The following RPA1 variants were observed in gnomAD, a reference collection of about 807,000 sequenced individuals.
The protein encoded by RPA1 is replication protein A1.
Under a neutral mutation model 83.0 loss-of-function variants are expected in RPA1, and 49 were observed. That is an observed-to-expected ratio of 0.59 (90% CI 0.47 to 0.75). The LOEUF (loss-of-function observed/expected upper bound fraction) is 0.75. Ranked by LOEUF, RPA1 falls within the 30% of genes least tolerant of loss-of-function variation. The pLI is 0.00. For synonymous variants in RPA1, 279 were observed against 281.8 expected (o/e 0.99, Z 0.10); for missense variants, 693 against 776.1 (o/e 0.89, Z 1.27).
At chr17:1,886,152 GCT>G (rs1491486548) in intron 13 of RPA1, among the ~76,000 whole-genome samples, 1 of 151,822 alleles carries the variant, frequency 6.6e-6, no homozygotes, top group Non-Finnish European at 1.5e-5. Context: ...TCTCCATTGA[GCT>G]CTCGGGTGAA....
intron 5 of RPA1, among the ~76,000 whole-genome samples, chr17:1,863,415 G>A (rs1388415326): frequency 2.6e-5 from 4 of 151,988 alleles, no homozygotes; most frequent in Admixed American, 6.6e-5. Flanking sequence ...GTTTCACCAC[G>A]TTGGCCAGGC....
chr17:1,874,707 A>G (rs1003363717), intron 6 of RPA1, among the ~76,000 whole-genome samples: 1 of 152,234 alleles, frequency 6.6e-6, no homozygotes, highest in Non-Finnish European at 1.5e-5. Flanking sequence ...ATCTTGAGGT[A>G]ATTACTATTG....
chr17:1,862,127 C>T (rs1461358839), intron 5 of RPA1, among the ~76,000 whole-genome samples: 2 of 149,814 alleles, frequency 1.3e-5, no homozygotes, highest in Non-Finnish European at 3.0e-5. Flanking sequence ...CTCCTGACCT[C>T]GTGATCTGCC....
intron 1 of RPA1, among the ~76,000 whole-genome samples, chr17:1,839,994 T>C (rs2151269036): frequency 6.6e-6 from 1 of 151,966 alleles, no homozygotes; most frequent in Middle Eastern, 3.4e-3. Flanking sequence ...GGTTTCACCA[T>C]GTTGGCCAGG....
intron 5 of RPA1, among the ~76,000 whole-genome samples, chr17:1,865,359 G>C (rs1913138104): frequency 6.6e-6 from 1 of 152,160 alleles, no homozygotes; most frequent in Admixed American, 6.5e-5. Context: ...GATCGTGTGA[G>C]TGAGTCTACT....
chr17:1,843,987 A>C lies in RPA1; in HGVS notation c.152A>C (p.Asn51Thr). The C allele has an allele frequency of 6.2e-7, 1 of 1,612,466 alleles. No individual in the cohort carries two copies. Among genetic ancestry groups the C allele is most frequent in the South Asian group, 1.1e-5 (1 of 90,998 alleles). Residue 51 changes from asparagine to threonine, a missense_variant, in exon 3 of 17, where the codon AAC becomes ACC. Asn to Thr is a moderately conservative substitution (Grantham distance 65). Coordinates refer to ENST00000254719, the MANE Select transcript of RPA1 (RefSeq NM_002945.5). ...CGACTGCTCATGAGTGATGGATTGA[A>C]CACTCTATCCTGTGAGTATGGTGTA... ...RYRLLMSDGL[N>T]TLSSFMLATQ...
In RPA1 at chr17:1,843,919, G is replaced by C; in HGVS notation, c.85-1G>C. ...CTAATGAATCAAGTTTTCTGTCCTA[G>C]AACATCCGTCCCATTACTACGGGGA... On this transcript the variant is annotated splice_acceptor_variant, in intron 2 of 16. Coordinates refer to ENST00000254719, the MANE Select transcript of RPA1 (RefSeq NM_002945.5). LOFTEE classifies it high-confidence loss of function. The C allele has an allele frequency of 6.2e-7, 1 of 1,613,594 alleles. No homozygotes were observed. Among genetic ancestry groups the C allele is most frequent in the Non-Finnish European group, 8.5e-7 (1 of 1,179,756 alleles).
In RPA1 at chr17:1,895,073, G is replaced by C; in HGVS notation, c.1724G>C (p.Arg575Thr). ...ANFRSFIFRV[R>T]VKVETYNDES... ...TTCCGATCTTTCATATTCAGAGTCAGGGTCAAAGTGGAGACCTACAACGTA... is the reference window on the plus strand; with the variant it reads ...TTCCGATCTTTCATATTCAGAGTCACGGTCAAAGTGGAGACCTACAACGTA... Residue 575 changes from arginine (R) to threonine (T), a missense_variant, in exon 16 of 17, where the codon AGG becomes ACG. By Grantham distance (71) the Arg-to-Thr change is moderately conservative. Transcript: ENST00000254719. 6.2e-7 allele frequency: 1 copy of C among 1,613,580 alleles called. No individual in the cohort carries two copies. Among genetic ancestry groups the C allele is most frequent in the Non-Finnish European group, 8.5e-7 (1 of 1,179,706 alleles).
At chr17:1,890,883 G>A (rs1186625022) in intron 14 of RPA1, among the ~76,000 whole-genome samples, 2 of 152,106 alleles carry the variant, frequency 1.3e-5, no homozygotes, top group Non-Finnish European at 1.5e-5. Context: ...ACACGTGTGC[G>A]TCATTGTAGT....
intron 5 of RPA1, among the ~76,000 whole-genome samples, chr17:1,867,954 C>T (rs62067473): frequency 0.15 from 22,639 of 151,664 alleles, 2,340 homozygotes; most frequent in East Asian, 0.41. Context: ...GGCGTGATCT[C>T]GTGTAACTAG....
rs954043570 is a variant in RPA1 at position 1,884,049 on chromosome 17, C to A, written c.1374+105C>A. ...CCAGCTGTCAGAGCCGTAATTCTTACCCGGGGCTGTGACCTGAGCGTGGCA... is the reference window on the plus strand; with the variant it reads ...CCAGCTGTCAGAGCCGTAATTCTTAACCGGGGCTGTGACCTGAGCGTGGCA... On this transcript the variant is annotated intron_variant, in intron 13 of 16. Coordinates refer to ENST00000254719, the MANE Select transcript of RPA1 (RefSeq NM_002945.5). This position sits in a 1 kb window ranked among gnomAD's most constrained non-coding sequence, Gnocchi z 4.1. 2.0e-6 allele frequency: 3 copies of A among 1,501,130 alleles called. No individual in the cohort carries two copies. Among genetic ancestry groups the A allele is most frequent in the African/African-American group, 1.4e-5 (1 of 72,678 alleles). The allele number at this position is 1,501,130 out of a possible 1,614,324, so 93.0% of individuals were successfully genotyped here. A position where few individuals can be genotyped will look rare whatever the true frequency, so the allele number is the denominator to read the frequency against.
At chr17:1,894,102 C>T (rs1914301193) in intron 15 of RPA1, among the ~76,000 whole-genome samples, 1 of 149,394 alleles carries the variant, frequency 6.7e-6, no homozygotes, top group African/African-American at 2.5e-5. Context: ...CTCCTGGCCT[C>T]AAGCAGTCCT....
At chr17:1,846,735 T>A (rs550760348) in intron 4 of RPA1, among the ~76,000 whole-genome samples, 1 of 152,204 alleles carries the variant, frequency 6.6e-6, no homozygotes, top group Non-Finnish European at 1.5e-5. Context: ...ATTTCACTTA[T>A]TGAGTTCCAG....
intron 8 of RPA1, among the ~76,000 whole-genome samples, 158 bp from the exon 9 acceptor site, chr17:1,878,835 G>T (rs1195527565): frequency 6.6e-6 from 1 of 152,174 alleles, no homozygotes; most frequent in East Asian, 1.9e-4. Flanking sequence ...TTCCTGGGAT[G>T]TCCGTAGCCC....
intron 1 of RPA1, among the ~76,000 whole-genome samples, chr17:1,836,419 G>A (rs7217805): frequency 2.0e-5 from 3 of 152,022 alleles, no homozygotes; most frequent in African/African-American, 4.8e-5. Context: ...CAAATTGCAC[G>A]TATTTTAAAT....
intron 15 of RPA1, among the ~76,000 whole-genome samples, chr17:1,893,120 T>C (rs1160550480): frequency 4.6e-5 from 7 of 152,248 alleles, no homozygotes; most frequent in Non-Finnish European, 1.0e-4. Flanking sequence ...CCATGAGAGC[T>C]CTCAAAATAG....
intron 5 of RPA1, among the ~76,000 whole-genome samples, chr17:1,854,906 T>C (rs1481616547): frequency 2.0e-5 from 3 of 152,134 alleles, no homozygotes; most frequent in Admixed American, 2.0e-4. Flanking sequence ...TTAGAAAACA[T>C]CTCCAGCCTG....
intron 7 of RPA1, 52 bp downstream of exon 7, chr17:1,875,845 C>G (rs988864937): frequency 1.9e-6 from 3 of 1,542,400 alleles, no homozygotes; most frequent in South Asian, 2.5e-5. Context: ...ATCGGAGAAG[C>G]TATTATGGAC....
intron 15 of RPA1, among the ~76,000 whole-genome samples, chr17:1,894,068 T>C (rs1408285584): frequency 6.7e-6 from 1 of 148,998 alleles, no homozygotes; most frequent in African/African-American, 2.5e-5. Flanking sequence ...GGGGTTTTGC[T>C]ATGTTCCCCA....
Sources: allele counts gnomAD v4.1 joint callset (sites outside exome capture counted in the v4.1 genomes callset), GRCh38; gene constraint gnomAD v4.1.1; non-coding constraint Gnocchi (gnomAD v3.1); transcripts MANE v1.5; gene names NCBI Gene and HGNC (gene_info 2026-07-23, HGNC 2026-07-21).